Variants in RADIL observed in about 807,000 individuals in gnomAD.
RADIL encodes the protein Rap associating with DIL domain.
In RADIL, 99 loss-of-function variants were observed where a neutral mutation model predicts 97.6. The observed-to-expected ratio is 1.01, with a 90% CI of 0.86 to 1.20. RADIL has a LOEUF of 1.20. RADIL is among the 50% of genes most tolerant of loss of function. The pLI, the probability that RADIL is intolerant of heterozygous loss-of-function variation, is 0.00. For synonymous variants in RADIL, 803 were observed against 691.8 expected (o/e 1.16, Z -2.52); for missense variants, 1,765 against 1,498.9 (o/e 1.18, Z -2.93).
In RADIL at chr7:4,861,159, T is replaced by C. The variant is rs770841274; in HGVS notation, c.535+16446A>G. 9.3e-6 allele frequency: 15 copies of C among 1,614,134 alleles called. No individual in the cohort carries two copies. In the South Asian group the frequency reaches 1.5e-4, roughly 17 times the overall value. ...CTCAGAGTCAGCCTGAAGTTGTCAA[T>C]GTTTGGCACTAGATGTAAAATTTCA... On this transcript the variant is annotated intron_variant, in intron 2 of 14. Transcript: ENST00000399583.
chr7:4,828,053 C>T (rs894625574), intron 5 of RADIL, among the ~76,000 whole-genome samples: 1 of 152,078 alleles, frequency 6.6e-6, no homozygotes, highest in Non-Finnish European at 1.5e-5. Flanking sequence ...GTTAGAATGG[C>T]CATTATCAAA....
intron 2 of RADIL, among the ~76,000 whole-genome samples, chr7:4,851,930 T>A (rs1246635327): frequency 6.6e-6 from 1 of 152,170 alleles, no homozygotes; most frequent in African/African-American, 2.4e-5. Flanking sequence ...CCTGGCCACA[T>A]AAATGACTCA....
rs1299219936 is a variant in RADIL, at chr7:4,835,015, G to A, written c.1008C>T (p.Thr336=). 3 of 1,611,422 alleles carry A rather than the reference G, an allele frequency of 1.9e-6. No homozygotes were observed. Among genetic ancestry groups the A allele is most frequent in the Non-Finnish European group, 2.5e-6 (3 of 1,179,284 alleles). The change falls in exon 4 of 15, where the codon ACC becomes ACT. Residue 336 remains threonine (T), a synonymous_variant. Transcript: ENST00000399583. The surrounding 1 kb of genome is among the most constrained non-coding windows in gnomAD (Gnocchi z 5.8). ...SVNFSEVGHR[T]VVLHHGDLLS... ...GCAGGTCCCCGTGGTGCAGCACCAC[G>A]GTCCTGTGCCCCACCTCGGAGAAGT...
chr7:4,806,453 T>C (rs1782312334), intron 9 of RADIL, among the ~76,000 whole-genome samples: 1 of 152,140 alleles, frequency 6.6e-6, no homozygotes, highest in East Asian at 1.9e-4. Flanking sequence ...TCCCAAAGTG[T>C]TGGGATTGCA....
chr7:4,830,592 C>T (rs10239159), intron 5 of RADIL, among the ~76,000 whole-genome samples: 2 of 152,086 alleles, frequency 1.3e-5, no homozygotes, highest in Admixed American at 6.5e-5. Flanking sequence ...AAAAGCACGA[C>T]ATCAGCCAGG....
intron 2 of RADIL, among the ~76,000 whole-genome samples, chr7:4,847,315 G>A (rs570753204): frequency 1.0e-3 from 155 of 151,244 alleles, no homozygotes; most frequent in Non-Finnish European, 1.8e-3. Context: ...GCAAGACTCC[G>A]TCTCACCAAA....
intron 2 of RADIL, among the ~76,000 whole-genome samples, chr7:4,853,733 ACT>A (rs887708649): frequency 8.1e-6 from 1 of 124,184 alleles, no homozygotes; most frequent in African/African-American, 3.6e-5. Flanking sequence ...CAACAGTGAA[ACT>A]CTGTCTCAAA....
rs1783268859 is a variant in RADIL at position 4,835,427 on chromosome 7, C to T, written c.784-188G>A. Among the ~76,000 whole-genome samples the T allele has an allele frequency of 6.6e-6, 1 of 152,156 alleles. No homozygotes were observed. The highest frequency in any genetic ancestry group is 1.5e-5 in the Non-Finnish European group (1 of 68,028). On this transcript the variant is annotated intron_variant, in intron 3 of 14. Transcript: ENST00000399583. This position sits in a 1 kb window ranked among gnomAD's most constrained non-coding sequence, Gnocchi z 5.8. ...GGAACCCGCCCCTCGATGTCCGGGC[C>T]CATCCCAGAGGAGGTCGGTTTCCCG...
rs1317306014 is a variant in RADIL, at chr7:4,822,082, G to A, written c.1615+312C>T. Among the ~76,000 whole-genome samples, 1 of 151,864 alleles carries A rather than the reference G, an allele frequency of 6.6e-6. No individual in the cohort carries two copies. On this transcript the variant is annotated intron_variant, in intron 6 of 14. Transcript: ENST00000399583. The surrounding 1 kb of genome is among the most constrained non-coding windows in gnomAD (Gnocchi z 5.3). ...CTACTGAGTGATCTGTGTACCCCCCGGGCCCTCCTGCAAGCAGAAGAGTGG... is the reference window on the plus strand; with the variant it reads ...CTACTGAGTGATCTGTGTACCCCCCAGGCCCTCCTGCAAGCAGAAGAGTGG...
Position 4,818,729 on chromosome 7 carries a change from A to G in RADIL, c.1616-1378T>C, listed in dbSNP as rs1782747057. ...CCCGTCCACCTGTCCTGGTGCCCTG[A>G]CCCTGGCTGCCTCAGGCTGCCAGGT... On this transcript the variant is annotated intron_variant, in intron 6 of 14. Transcript: ENST00000399583. The surrounding 1 kb of genome is among the most constrained non-coding windows in gnomAD (Gnocchi z 7.1). Among the ~76,000 whole-genome samples the G allele has an allele frequency of 6.6e-6, 1 of 151,916 alleles. No homozygotes were observed. The highest frequency in any genetic ancestry group is 6.5e-5 in the Admixed American group (1 of 15,272).
chr7:4,861,687 T>C, intron 2 of RADIL: 1 of 1,586,782 alleles, frequency 6.3e-7, no homozygotes, highest in Non-Finnish European at 8.6e-7. Context: ...TCTATTAGCC[T>C]CTGGGTGAGG....
At chr7:4,801,450 C>T (rs1016137422) in intron 12 of RADIL, among the ~76,000 whole-genome samples, 4 of 152,224 alleles carry the variant, frequency 2.6e-5, no homozygotes, top group Non-Finnish European at 4.4e-5. Flanking sequence ...GACGTGTCAG[C>T]GACTGAGCGA....
In RADIL at chr7:4,847,909, G is replaced by A. The variant is rs554970530; in HGVS notation, c.536-11304C>T. ...CAAAGGATCTTTTGGTGATGAAAAC[G>A]TGCCGGCCGGGTGCAGTGGCTCTCG... On this transcript the variant is annotated intron_variant, in intron 2 of 14. Coordinates refer to ENST00000399583, the MANE Select transcript of RADIL (RefSeq NM_018059.5). Among the ~76,000 whole-genome samples the A allele has an allele frequency of 1.9e-3, 287 of 152,156 alleles. 4 individuals carry two copies. Among genetic ancestry groups the A allele is most frequent in the Admixed American group, 0.013 (194 of 15,268 alleles).
rs183343692 is a variant in RADIL at position 4,865,718 on chromosome 7, C to G, written c.535+11887G>C. The stretch of plus-strand genomic sequence containing the variant: ...GCAGCATCTGTGATTCCATCTTCTA[C>G]GGGGTGGGTGCAATCAAGAGTGAAC... On this transcript the variant is annotated intron_variant, in intron 2 of 14. Coordinates refer to ENST00000399583, the MANE Select transcript of RADIL (RefSeq NM_018059.5). The G allele has an allele frequency of 3.3e-5, 34 of 1,035,240 alleles. No homozygotes were observed. The African/African-American group carries it at 5.4e-4, about 16-fold the overall frequency. 64.1% of individuals were successfully genotyped at this position (1,035,240 alleles called of 1,614,324 possible).
chr7:4,844,063 A>T (rs1168441791), intron 2 of RADIL, among the ~76,000 whole-genome samples: 1 of 152,140 alleles, frequency 6.6e-6, no homozygotes, highest in African/African-American at 2.4e-5. Context: ...CAAGACAAGG[A>T]TGCCTGCTGT....
rs1253153964 is a variant in RADIL at position 4,837,269 on chromosome 7, G to A, written c.536-664C>T. On this transcript the variant is annotated intron_variant, in intron 2 of 14. Transcript: ENST00000399583. The surrounding 1 kb of genome is among the most constrained non-coding windows in gnomAD (Gnocchi z 5.6). ...GGCCCACAGGCCTCAAACCACAGAC[G>A]TTTTCCCACGGCAGCCTGGGCCTCT... 4.6e-5 allele frequency among the ~76,000 whole-genome samples: 7 copies of A among 152,164 alleles called. No individual in the cohort carries two copies. Among genetic ancestry groups the A allele is most frequent in the African/African-American group, 1.2e-4 (5 of 41,454 alleles).
Position 4,803,550 on chromosome 7 carries a change from G to A in RADIL, c.2495C>T (p.Pro832Leu). Residue 832 changes from proline (P) to leucine (L), a missense_variant, in exon 11 of 15, where the codon CCC becomes CTC. Physicochemically the swap from Pro to Leu is moderately conservative, Grantham distance 98. Coordinates refer to ENST00000399583, the MANE Select transcript of RADIL (RefSeq NM_018059.5). The stretch of plus-strand genomic sequence containing the variant: ...GGGGGCCCCCTCCCCGGGTACCTCG[G>A]GGCACACTGGCTGGGAGGCCCCACT... ...PGSGASQPVCPEGMHHVVLDG... is the reference protein window; with the variant it reads ...PGSGASQPVCLEGMHHVVLDG... The A allele has an allele frequency of 1.9e-6, 3 of 1,540,442 alleles. No individual in the cohort carries two copies. Among genetic ancestry groups the A allele is most frequent in the Non-Finnish European group, 2.6e-6 (3 of 1,140,862 alleles).
chr7:4,876,490 G>A (rs1450886825), intron 2 of RADIL, among the ~76,000 whole-genome samples: 4 of 151,910 alleles, frequency 2.6e-5, no homozygotes, highest in Admixed American at 1.3e-4. Context: ...TAGTAGATAC[G>A]GGGTTTCACC....
Position 4,837,015 on chromosome 7 carries a change from C to T in RADIL, c.536-410G>A, listed in dbSNP as rs565891822. Among the ~76,000 whole-genome samples the T allele has an allele frequency of 6.6e-6, 1 of 152,296 alleles. No individual in the cohort carries two copies. Among genetic ancestry groups the T allele is most frequent in the South Asian group, 2.1e-4 (1 of 4,828 alleles). ...GAGTTCAAATCCCACTAAGCCACGT[C>T]TCCTAATGCCGTTACTGTTCTGTCA... On this transcript the variant is annotated intron_variant, in intron 2 of 14. Coordinates refer to ENST00000399583, the MANE Select transcript of RADIL (RefSeq NM_018059.5). This position sits in a 1 kb window ranked among gnomAD's most constrained non-coding sequence, Gnocchi z 5.6.
Sources: gnomAD v4.1 joint callset for allele counts (sites outside exome capture counted in the v4.1 genomes callset) on GRCh38, gnomAD v4.1.1 for gene constraint, Gnocchi (gnomAD v3.1) non-coding constraint, MANE v1.5 for transcripts, NCBI Gene and HGNC (gene_info 2026-07-23, HGNC 2026-07-21) for gene names.